KATNIP: variants seen among roughly 807,000 people sequenced by gnomAD.
KATNIP encodes katanin-interacting protein.
KATNIP carries 126 observed loss-of-function variants against 174.0 expected under a neutral mutation model. The ratio of observed to expected loss-of-function variants is 0.72; its 90% CI spans 0.63 to 0.84. The LOEUF is 0.84. KATNIP is among the 40% of genes least tolerant of loss of function. The pLI is 0.00. For synonymous variants in KATNIP, 810 were observed against 835.7 expected, an observed-to-expected ratio of 0.97 and a Z score of 0.53; for missense variants, 1,958 against 2,109.7, an observed-to-expected ratio of 0.93 and a Z score of 1.41.
At chr16:27,594,874 A>C (rs1415041203) in intron 2 of KATNIP, among the ~76,000 whole-genome samples, 1 of 152,246 alleles carries the variant, frequency 6.6e-6, no homozygotes, top group Non-Finnish European at 1.5e-5. Context: ...TCTGTAAGAT[A>C]AAACATGCAA....
At chr16:27,664,144 G>A (rs1303529565) in intron 6 of KATNIP, among the ~76,000 whole-genome samples, 2 of 152,028 alleles carry the variant, frequency 1.3e-5, no homozygotes, top group Admixed American at 6.6e-5. Flanking sequence ...TTTCCCAAAC[G>A]TTCTAAGTAA....
At chr16:27,604,315 G>C (rs1386059715) in intron 2 of KATNIP, among the ~76,000 whole-genome samples, 1 of 152,122 alleles carries the variant, frequency 6.6e-6, no homozygotes, top group African/African-American at 2.4e-5. Context: ...ACCCAGGCTA[G>C]TTTGAATTGC....
chr16:27,730,026 AC>A (rs1344321196), intron 14 of KATNIP, among the ~76,000 whole-genome samples: 2 of 152,210 alleles, frequency 1.3e-5, no homozygotes, highest in African/African-American at 4.8e-5. Flanking sequence ...CAGCACTGAT[AC>A]GCTGCCTGCC....
chr16:27,763,441 TAA>T (rs35206356), intron 19 of KATNIP, among the ~76,000 whole-genome samples: 117 of 68,192 alleles, frequency 1.7e-3, no homozygotes, highest in African/African-American at 6.8e-3. Context: ...ATTGTGTCTC[TAA>T]AAAAAAAAAA....
chr16:27,743,082 TC>T (rs2081167780), intron 15 of KATNIP, among the ~76,000 whole-genome samples: 1 of 152,218 alleles, frequency 6.6e-6, no homozygotes, highest in African/African-American at 2.4e-5. Context: ...GTAGTTCAGC[TC>T]CCACTTATAA....
intron 2 of KATNIP, among the ~76,000 whole-genome samples, chr16:27,589,600 G>C (rs915103244): frequency 1.3e-5 from 2 of 152,138 alleles, no homozygotes; most frequent in African/African-American, 4.8e-5. Context: ...ATCTGAGACA[G>C]CCTGTCTTTC....
chr16:27,583,309 T>C (rs1189610175), intron 2 of KATNIP, among the ~76,000 whole-genome samples: 6 of 152,132 alleles, frequency 3.9e-5, no homozygotes, highest in African/African-American at 1.4e-4. Context: ...AATGTGCCCT[T>C]CAACAGAGCA....
intron 11 of KATNIP, among the ~76,000 whole-genome samples, chr16:27,703,466 T>C (rs2079178763): frequency 6.6e-6 from 1 of 152,258 alleles, no homozygotes; most frequent in Non-Finnish European, 1.5e-5. Flanking sequence ...ATAGTAAATA[T>C]GCTTTGCGGT....
intron 5 of KATNIP, among the ~76,000 whole-genome samples, chr16:27,634,357 G>A (rs370431480): frequency 2.0e-4 from 31 of 152,270 alleles, no homozygotes; most frequent in African/African-American, 7.5e-4. Flanking sequence ...GCAGGGAGTC[G>A]GGTGCTTACG....
At chr16:27,633,604 T>C (rs1057343182) in intron 5 of KATNIP, among the ~76,000 whole-genome samples, 1 of 152,200 alleles carries the variant, frequency 6.6e-6, no homozygotes, top group Non-Finnish European at 1.5e-5. Context: ...TTGTTATTTT[T>C]TAACTTGTGT....
chr16:27,601,115 A>C (rs2075509550), intron 2 of KATNIP, among the ~76,000 whole-genome samples: 1 of 152,190 alleles, frequency 6.6e-6, no homozygotes, highest in African/African-American at 2.4e-5. Flanking sequence ...AAGTTCCTTG[A>C]GGCCAGGGAT....
At chr16:27,647,211 G>A (rs555455556) in intron 5 of KATNIP, among the ~76,000 whole-genome samples, 315 of 152,326 alleles carry the variant, frequency 2.1e-3, no homozygotes, top group African/African-American at 7.2e-3. Flanking sequence ...CTAGAAGAAA[G>A]AGAGGCCCCA....
intron 2 of KATNIP, among the ~76,000 whole-genome samples, chr16:27,595,293 G>T (rs1474550972): frequency 6.6e-6 from 1 of 152,130 alleles, no homozygotes; most frequent in East Asian, 1.9e-4. Flanking sequence ...AAGCTAAGGT[G>T]GGCGGATCAC....
chr16:27,619,162 G>C (rs1469586137), intron 3 of KATNIP, among the ~76,000 whole-genome samples: 1 of 152,174 alleles, frequency 6.6e-6, no homozygotes, highest in Non-Finnish European at 1.5e-5. Flanking sequence ...AAATTCAGAT[G>C]CTGGGAGTGG....
At chr16:27,624,991 G>A (rs903207524) in intron 3 of KATNIP, among the ~76,000 whole-genome samples, 3 of 152,086 alleles carry the variant, frequency 2.0e-5, no homozygotes, top group Non-Finnish European at 2.9e-5. Context: ...AAGTTGAACC[G>A]GCAAGCCAGT....
At chr16:27,561,007 G>A (rs1440754921) in intron 1 of KATNIP, among the ~76,000 whole-genome samples, 2 of 151,582 alleles carry the variant, frequency 1.3e-5, no homozygotes, top group African/African-American at 2.4e-5. Context: ...CATCCTTTTT[G>A]TCTTTTTTTT....
chr16:27,691,477 C>T (rs1010787518), intron 8 of KATNIP, among the ~76,000 whole-genome samples: 1 of 152,200 alleles, frequency 6.6e-6, no homozygotes, highest in African/African-American at 2.4e-5. Context: ...GGGAATAAAT[C>T]CACCATCATG....
chr16:27,640,697 T>G lies in KATNIP; in HGVS notation c.409-7907T>G, dbSNP rs34186586. On this transcript the variant is annotated intron_variant, in intron 5 of 27. Coordinates refer to ENST00000261588, the MANE Select transcript of KATNIP (RefSeq NM_015202.5). ...TTTTAATTTTTTTTTTTTTTTTTTG[T>G]ATCTTCCTGTGTTTTCAGAACCTTG... Among the ~76,000 whole-genome samples, 3 of 69,556 alleles carry G rather than the reference T, an allele frequency of 4.3e-5. No homozygotes were observed. In the East Asian group the frequency reaches 1.4e-3, roughly 32 times the overall value. 45.6% of individuals were successfully genotyped at this position (69,556 alleles called of 152,430 possible).
At chr16:27,655,958 A>G (rs2077268722) in intron 6 of KATNIP, among the ~76,000 whole-genome samples, 1 of 152,216 alleles carries the variant, frequency 6.6e-6, no homozygotes. Flanking sequence ...ATGCTTAATA[A>G]TGTTTTAAAC....
Sources: allele counts gnomAD v4.1 joint callset (sites outside exome capture counted in the v4.1 genomes callset), GRCh38; gene constraint gnomAD v4.1.1; transcripts MANE v1.5; gene names NCBI Gene and HGNC (gene_info 2026-07-23, HGNC 2026-07-21).